The following MYO3B variants were observed in gnomAD, a reference collection of about 807,000 sequenced individuals.
MYO3B encodes myosin IIIB, also known as myosin-IIIb.
A neutral mutation model predicts 174.6 loss-of-function variants in MYO3B; 156 were observed. The ratio of observed to expected loss-of-function variants is 0.89; its 90% CI spans 0.78 to 1.02. The LOEUF is 1.02. Among genes scored for constraint, MYO3B ranks in the 50% least tolerant of loss-of-function variants. MYO3B has a pLI of 0.00. For synonymous variants in MYO3B, 563 were observed against 569.1 expected (o/e 0.99, Z 0.15); for missense variants, 1,632 against 1,639.4 (o/e 1.00, Z 0.08).
At chr2:170,460,705 C>G (rs1024925451) in intron 23 of MYO3B, among the ~76,000 whole-genome samples, 5 of 152,154 alleles carry the variant, frequency 3.3e-5, no homozygotes, top group African/African-American at 1.2e-4. Flanking sequence ...AGACAGGGCC[C>G]GTCACTAGCT....
chr2:170,199,978 G>A (rs1009406519), intron 2 of MYO3B, among the ~76,000 whole-genome samples, 172 bp from the exon 3 acceptor site: 1 of 152,160 alleles, frequency 6.6e-6, no homozygotes, highest in South Asian at 2.1e-4. Context: ...TGTAATACTA[G>A]AAGGTGTAGA....
intron 22 of MYO3B, among the ~76,000 whole-genome samples, chr2:170,413,720 AGTT>A: frequency 6.6e-6 from 1 of 151,878 alleles, no homozygotes; most frequent in South Asian, 2.1e-4. Flanking sequence ...AACTATGCCT[AGTT>A]GTTCCAAAAC....
intron 3 of MYO3B, among the ~76,000 whole-genome samples, chr2:170,211,696 C>T (rs1304648184): frequency 6.6e-6 from 1 of 152,064 alleles, no homozygotes; most frequent in Non-Finnish European, 1.5e-5. Context: ...CAGGATTGAA[C>T]CTAGGCATCA....
At chr2:170,564,983 C>T (rs1350461716) in intron 32 of MYO3B, among the ~76,000 whole-genome samples, 1 of 152,114 alleles carries the variant, frequency 6.6e-6, no homozygotes, top group East Asian at 1.9e-4. Context: ...TATTCTTTTG[C>T]TGCCTGTCAC....
At chr2:170,434,624 A>C (rs868199549) in intron 22 of MYO3B, among the ~76,000 whole-genome samples, 1 of 152,306 alleles carries the variant, frequency 6.6e-6, no homozygotes, top group South Asian at 2.1e-4. Context: ...GTTAGGGTGG[A>C]GCAGGTGATC....
At chr2:170,546,061 G>A (rs181378392) in intron 32 of MYO3B, among the ~76,000 whole-genome samples, 94 of 151,890 alleles carry the variant, frequency 6.2e-4, no homozygotes, top group African/African-American at 2.0e-3. Context: ...TCTATTCTCC[G>A]AACATGCCTG....
intron 22 of MYO3B, among the ~76,000 whole-genome samples, chr2:170,435,107 T>A (rs867347123): frequency 1.9e-4 from 29 of 152,370 alleles, no homozygotes; most frequent in Middle Eastern, 6.8e-3. Context: ...TCAAGCTTGC[T>A]CCCAAACATT....
intron 8 of MYO3B, among the ~76,000 whole-genome samples, chr2:170,355,461 T>G (rs1422676477): frequency 1.3e-5 from 2 of 152,230 alleles, no homozygotes; most frequent in Non-Finnish European, 2.9e-5. Context: ...CAGCTCTAGG[T>G]CATTATCCTG....
intron 7 of MYO3B, among the ~76,000 whole-genome samples, chr2:170,264,093 A>G (rs533659939): frequency 6.0e-4 from 92 of 152,312 alleles, no homozygotes; most frequent in Non-Finnish European, 1.1e-3. Flanking sequence ...CCCTAAATCC[A>G]TTAAACCTTG....
At chr2:170,237,968 C>T (rs2093090359) in intron 7 of MYO3B, among the ~76,000 whole-genome samples, 1 of 152,186 alleles carries the variant, frequency 6.6e-6, no homozygotes, top group Non-Finnish European at 1.5e-5. Context: ...ACCTTAATGG[C>T]TGACGTGACA....
chr2:170,412,187 G>A (rs1417576546), intron 22 of MYO3B: 5 of 152,196 alleles, frequency 3.3e-5, no homozygotes, highest in African/African-American at 1.2e-4. Flanking sequence ...TTTGGGTAAT[G>A]TTCCACTTGC....
At chr2:170,371,427 T>TA (rs35925759) in intron 9 of MYO3B, among the ~76,000 whole-genome samples, 11 of 150,434 alleles carry the variant, frequency 7.3e-5, no homozygotes, top group East Asian at 2.0e-4. Flanking sequence ...GAACTATCAT[T>TA]AAAAAAAAAT....
chr2:170,390,440 A>G (rs1408846547), intron 14 of MYO3B, among the ~76,000 whole-genome samples: 4 of 152,238 alleles, frequency 2.6e-5, no homozygotes, highest in African/African-American at 9.6e-5. Flanking sequence ...AACTAGATTT[A>G]TTAGTTAAGT....
intron 32 of MYO3B, among the ~76,000 whole-genome samples, chr2:170,603,359 A>T (rs1333586349): frequency 2.6e-5 from 4 of 152,232 alleles, no homozygotes; most frequent in African/African-American, 9.6e-5. Context: ...GTGGCATATT[A>T]TCTAAGAAAA....
intron 7 of MYO3B, among the ~76,000 whole-genome samples, chr2:170,269,018 C>T (rs867655542): frequency 1.5e-4 from 23 of 152,158 alleles, no homozygotes; most frequent in Admixed American, 3.9e-4. Context: ...TTTCCTGAAT[C>T]CAGCTCATTG....
At chr2:170,275,848 G>GA (rs1319352773) in intron 7 of MYO3B, among the ~76,000 whole-genome samples, 10 of 151,906 alleles carry the variant, frequency 6.6e-5, no homozygotes, top group South Asian at 2.1e-4. Context: ...TGTTCACACA[G>GA]AAAAAAACAA....
rs577092474 is a variant in MYO3B, at chr2:170,653,136, C to A, written c.*15C>A. On this transcript the variant is annotated 3_prime_UTR_variant, in exon 35 of 35. Transcript: ENST00000408978. ...CTCAACATTAAATTGTGCTTCCTAA[C>A]CCTAAATCTGTCCAGAGTAGGAACA... 1.9e-6 allele frequency: 3 copies of A among 1,613,912 alleles called. No individual in the cohort carries two copies. Among genetic ancestry groups the A allele is most frequent in the Non-Finnish European group, 8.5e-7 (1 of 1,179,970 alleles).
chr2:170,360,149 T>C (rs1410712066), intron 8 of MYO3B, among the ~76,000 whole-genome samples: 1 of 152,178 alleles, frequency 6.6e-6, no homozygotes, highest in Non-Finnish European at 1.5e-5. Context: ...TGTTCATTTC[T>C]GTTAGAGGAT....
intron 30 of MYO3B, among the ~76,000 whole-genome samples, chr2:170,529,817 A>G (rs984512280): frequency 4.6e-5 from 7 of 152,252 alleles, no homozygotes; most frequent in Admixed American, 2.6e-4. Context: ...TTATCAACAC[A>G]TAATGAAACC....
Sources: allele counts gnomAD v4.1 joint callset (sites outside exome capture counted in the v4.1 genomes callset), GRCh38; gene constraint gnomAD v4.1.1; transcripts MANE v1.5; gene names NCBI Gene and HGNC (gene_info 2026-07-23, HGNC 2026-07-21).